The following EFCAB11 variants were observed in gnomAD, a reference collection of about 807,000 sequenced individuals.
EFCAB11 encodes EF-hand calcium-binding domain-containing protein 11.
Under a neutral mutation model 23.0 loss-of-function variants are expected in EFCAB11, and 14 were observed. The ratio of observed to expected loss-of-function variants is 0.61; its 90% CI spans 0.40 to 0.95. EFCAB11 has a LOEUF of 0.95. Ranked by LOEUF, EFCAB11 falls within the 40% of genes least tolerant of loss-of-function variation. The probability of loss-of-function intolerance (pLI) is 0.00; values close to 1 mark genes in which losing one functional copy is unlikely to be tolerated. For synonymous variants in EFCAB11, 65 were observed against 66.6 expected, an observed-to-expected ratio of 0.98 and a Z score of 0.11; for missense variants, 198 against 195.8, an observed-to-expected ratio of 1.01 and a Z score of -0.07.
chr14:89,835,814 GAC>G (rs1478715454), intron 5 of EFCAB11, among the ~76,000 whole-genome samples: 3 of 151,998 alleles, frequency 2.0e-5, no homozygotes, highest in Non-Finnish European at 4.4e-5. Flanking sequence ...TTTCAGTAGA[GAC>G]AGGGTTTCAC....
chr14:89,845,707 G>A (rs1406158988), intron 5 of EFCAB11, among the ~76,000 whole-genome samples: 1 of 152,186 alleles, frequency 6.6e-6, no homozygotes, highest in African/African-American at 2.4e-5. Flanking sequence ...TCTTAGGTGA[G>A]CAGTACTGTA....
At chr14:89,841,859 GT>G (rs1887279167) in intron 5 of EFCAB11, among the ~76,000 whole-genome samples, 1 of 152,128 alleles carries the variant, frequency 6.6e-6, no homozygotes, top group African/African-American at 2.4e-5. Context: ...TACAGTTTGT[GT>G]GTTGACGGCT....
rs748657726 is a variant in EFCAB11, at chr14:89,954,682, C to T, written c.-22G>A. On this transcript the variant is annotated 5_prime_UTR_variant, in exon 1 of 6. Transcript: ENST00000316738. Reference sequence around the variant, plus strand: ...ACATCGCGACTACAACAACCGAGCCCCAGCAACCCAACCAGCTACCACCGC... The same window carrying T: ...ACATCGCGACTACAACAACCGAGCCTCAGCAACCCAACCAGCTACCACCGC... The T allele has an allele frequency of 5.6e-6, 9 of 1,606,878 alleles. No homozygotes were observed. Among genetic ancestry groups the T allele is most frequent in the Non-Finnish European group, 7.6e-6 (9 of 1,178,344 alleles).
At chr14:89,815,795 T>C (rs1488449500) in intron 5 of EFCAB11, among the ~76,000 whole-genome samples, 1 of 152,144 alleles carries the variant, frequency 6.6e-6, no homozygotes, top group Non-Finnish European at 1.5e-5. Context: ...GGAAATAAAC[T>C]GATGGAAGAA....
At chr14:89,937,658 T>C (rs551957014) in intron 3 of EFCAB11, among the ~76,000 whole-genome samples, 91 of 152,224 alleles carry the variant, frequency 6.0e-4, no homozygotes, top group African/African-American at 2.1e-3. Flanking sequence ...CCCGAGTAGC[T>C]GGGATTACAG....
At chr14:89,920,923 C>T (rs192808361) in intron 5 of EFCAB11, among the ~76,000 whole-genome samples, 32 of 151,832 alleles carry the variant, frequency 2.1e-4, no homozygotes, top group Non-Finnish European at 4.1e-4. Flanking sequence ...AAATTAGCTG[C>T]GCATAGTGGT....
At chr14:89,816,245 AACTTT>A (rs1886335430) in intron 5 of EFCAB11, among the ~76,000 whole-genome samples, 1 of 152,158 alleles carries the variant, frequency 6.6e-6, no homozygotes, top group Non-Finnish European at 1.5e-5. Context: ...TGTATCATAT[AACTTT>A]ACTTAATTCA....
chr14:89,897,285 G>A (rs777632580), intron 5 of EFCAB11, among the ~76,000 whole-genome samples: 176 of 145,608 alleles, frequency 1.2e-3, no homozygotes, highest in Non-Finnish European at 2.1e-3. Flanking sequence ...TTCGCTCACT[G>A]CAACCTCCGC....
At chr14:89,933,100 T>C (rs1474626683) in intron 3 of EFCAB11, among the ~76,000 whole-genome samples, 1 of 152,170 alleles carries the variant, frequency 6.6e-6, no homozygotes, top group African/African-American at 2.4e-5. Context: ...TCAATACCAA[T>C]TGTACACCAC....
chr14:89,896,295 C>G (rs925924381), intron 5 of EFCAB11, among the ~76,000 whole-genome samples: 1 of 149,948 alleles, frequency 6.7e-6, no homozygotes, highest in Non-Finnish European at 1.5e-5. Flanking sequence ...GAGGCCGAGG[C>G]AGGAGAACGG....
At position 89,881,452 on chromosome 14, in the gene EFCAB11, C is replaced by CATATATATATAT. The variant is rs10530483; in HGVS notation, c.410+50077_410+50088dup. Reference sequence around the variant, plus strand: ...ATTTTTGGTCTACTTTATGACTTGGCATATATATATATATTCTTTTTTTTT... The same window carrying CATATATATATAT: ...ATTTTTGGTCTACTTTATGACTTGGCATATATATATATATATATATATATATTCTTTTTTTTT... On this transcript the variant is annotated intron_variant, in intron 5 of 5. Coordinates refer to ENST00000316738, the MANE Select transcript of EFCAB11 (RefSeq NM_145231.4). Among the ~76,000 whole-genome samples, 438 of 46,740 alleles carry CATATATATATAT rather than the reference C, an allele frequency of 9.4e-3. 79 individuals carry two copies. The highest frequency in any genetic ancestry group is 0.026 in the African/African-American group (358 of 13,978). The allele number at this position is 46,740 out of a possible 152,430, so 30.7% of individuals were successfully genotyped here. A position where few individuals can be genotyped will look rare whatever the true frequency, so the allele number is the denominator to read the frequency against.
chr14:89,862,101 C>T (rs1887941907), intron 5 of EFCAB11, among the ~76,000 whole-genome samples: 1 of 152,144 alleles, frequency 6.6e-6, no homozygotes, highest in Non-Finnish European at 1.5e-5. Flanking sequence ...CAACTAAAAG[C>T]CAGCTCTTAT....
intron 5 of EFCAB11, among the ~76,000 whole-genome samples, chr14:89,885,658 C>T (rs914375107): frequency 1.5e-5 from 2 of 137,102 alleles, no homozygotes; most frequent in African/African-American, 5.6e-5. Flanking sequence ...GCCTGGGTGA[C>T]AGAGCAAGAC....
chr14:89,817,884 C>T (rs916950678), intron 5 of EFCAB11, among the ~76,000 whole-genome samples: 3 of 151,994 alleles, frequency 2.0e-5, no homozygotes, highest in African/African-American at 7.3e-5. Context: ...GTCCCAGCTA[C>T]TCAGGATGCT....
At chr14:89,869,858 G>T (rs562931735) in intron 5 of EFCAB11, among the ~76,000 whole-genome samples, 1 of 152,156 alleles carries the variant, frequency 6.6e-6, no homozygotes, top group Non-Finnish European at 1.5e-5. Context: ...AGCTCTCTTC[G>T]CAAGTGTGAT....
intron 3 of EFCAB11, among the ~76,000 whole-genome samples, chr14:89,946,039 C>T (rs530547193): frequency 4.6e-5 from 7 of 151,904 alleles, no homozygotes; most frequent in African/African-American, 1.5e-4. Flanking sequence ...GTGCCTCAGC[C>T]CCCCGAGTAG....
At position 89,936,825 on chromosome 14, in the gene EFCAB11, T is replaced by A. The variant is rs77405227; in HGVS notation, c.218-4198A>T. ...AGCTGTATACATCTAGCTCTTTAAA[T>A]AACCTAGAAATAGAGTTCCTACTAC... On this transcript the variant is annotated intron_variant, in intron 3 of 5. Transcript: ENST00000316738. Among the ~76,000 whole-genome samples, 229 of 152,266 alleles carry A rather than the reference T, an allele frequency of 1.5e-3. 1 individual carries two copies. The highest frequency in any genetic ancestry group is 5.2e-3 in the African/African-American group (216 of 41,552).
At chr14:89,888,113 T>G (rs927370116) in intron 5 of EFCAB11, among the ~76,000 whole-genome samples, 8 of 152,172 alleles carry the variant, frequency 5.3e-5, no homozygotes, top group Admixed American at 2.0e-4. Context: ...GAAAATGCTG[T>G]TGCTATGGTC....
At chr14:89,887,422 G>A (rs946871409) in intron 5 of EFCAB11, among the ~76,000 whole-genome samples, 1 of 152,080 alleles carries the variant, frequency 6.6e-6, no homozygotes, top group African/African-American at 2.4e-5. Flanking sequence ...TGGAAACACA[G>A]GGCCATTTAT....
Sources: gnomAD v4.1 joint callset for allele counts (sites outside exome capture counted in the v4.1 genomes callset) on GRCh38, gnomAD v4.1.1 for gene constraint, MANE v1.5 for transcripts, NCBI Gene and HGNC (gene_info 2026-07-23, HGNC 2026-07-21) for gene names.